Variants in ZNF385B observed in about 807,000 individuals in gnomAD.
The protein encoded by ZNF385B is zinc finger protein 533.
ZNF385B carries 23 observed loss-of-function variants against 39.2 expected under a neutral mutation model. The observed-to-expected ratio is 0.59, with a 90% CI of 0.42 to 0.83. The LOEUF (loss-of-function observed/expected upper bound fraction) is 0.83. Among genes scored for constraint, ZNF385B ranks in the 40% least tolerant of loss-of-function variants. The pLI, the probability that ZNF385B is intolerant of heterozygous loss-of-function variation, is 0.00. For missense variants in ZNF385B, 552 were observed against 598.9 expected (o/e 0.92, Z 0.82); for synonymous variants, 205 against 222.6 (o/e 0.92, Z 0.70).
At chr2:179,718,708 A>G (rs886867135) in intron 3 of ZNF385B, among the ~76,000 whole-genome samples, 6 of 150,722 alleles carry the variant, frequency 4.0e-5, no homozygotes, top group African/African-American at 7.3e-5. Flanking sequence ...TTTCTTTACA[A>G]ATTTCTATTT....
intron 6 of ZNF385B, among the ~76,000 whole-genome samples, chr2:179,470,964 C>T (rs1034264876): frequency 6.6e-6 from 1 of 152,120 alleles, no homozygotes; most frequent in Non-Finnish European, 1.5e-5. Context: ...AGTACTTTCT[C>T]TTGGTCTTTG....
chr2:179,649,318 GGGCAAAT>G (rs1358696548), intron 3 of ZNF385B, among the ~76,000 whole-genome samples: 1 of 152,150 alleles, frequency 6.6e-6, no homozygotes, highest in East Asian at 1.9e-4. Context: ...ATCTATATTA[GGGCAAAT>G]GCCAAAACCT....
At chr2:179,702,053 T>G (rs935133175) in intron 3 of ZNF385B, among the ~76,000 whole-genome samples, 2 of 152,086 alleles carry the variant, frequency 1.3e-5, no homozygotes, top group African/African-American at 2.4e-5. Flanking sequence ...ACTTTTCACG[T>G]TTTCATTTTT....
chr2:179,504,210 C>A (rs1226151117), intron 5 of ZNF385B, among the ~76,000 whole-genome samples: 1 of 151,946 alleles, frequency 6.6e-6, no homozygotes, highest in Non-Finnish European at 1.5e-5. Flanking sequence ...ATGAACTCAT[C>A]ATTTTTTATG....
chr2:179,574,808 AG>A (rs969537958), intron 3 of ZNF385B, among the ~76,000 whole-genome samples: 20 of 151,840 alleles, frequency 1.3e-4, no homozygotes, highest in African/African-American at 4.3e-4. Context: ...GAGGGATGTT[AG>A]GGGGGAAGGG....
intron 3 of ZNF385B, among the ~76,000 whole-genome samples, chr2:179,611,295 T>G (rs914741469): frequency 2.0e-5 from 3 of 152,224 alleles, no homozygotes; most frequent in Non-Finnish European, 2.9e-5. Context: ...TCAGTTGACA[T>G]GATCATATGG....
intron 3 of ZNF385B, among the ~76,000 whole-genome samples, chr2:179,735,683 A>C (rs1351145901): frequency 3.5e-4 from 53 of 149,432 alleles, no homozygotes; most frequent in South Asian, 6.4e-4. Context: ...ACATATACAC[A>C]ATGGAATACT....
At chr2:179,760,821 A>G (rs1453047937) in intron 3 of ZNF385B, among the ~76,000 whole-genome samples, 1 of 152,200 alleles carries the variant, frequency 6.6e-6, no homozygotes, top group African/African-American at 2.4e-5. Flanking sequence ...TGATGCAGCC[A>G]CAGGCCCAGG....
intron 5 of ZNF385B, among the ~76,000 whole-genome samples, chr2:179,493,725 A>ATATG (rs1466106146): frequency 7.1e-6 from 1 of 139,924 alleles, no homozygotes; most frequent in Non-Finnish European, 1.5e-5. Context: ...GCATATACGT[A>ATATG]TATACATATA....
chr2:179,860,077 G>A (rs942314573), intron 1 of ZNF385B, among the ~76,000 whole-genome samples: 1 of 152,126 alleles, frequency 6.6e-6, no homozygotes, highest in African/African-American at 2.4e-5. Context: ...GAAATGTTTT[G>A]TTCCTTCTAT....
intron 3 of ZNF385B, among the ~76,000 whole-genome samples, chr2:179,615,181 T>C (rs891015000): frequency 6.6e-6 from 1 of 152,214 alleles, no homozygotes; most frequent in African/African-American, 2.4e-5. Flanking sequence ...GAGGAAGGGA[T>C]GATATTAATC....
At chr2:179,726,047 A>T (rs1409650279) in intron 3 of ZNF385B, among the ~76,000 whole-genome samples, 1 of 151,914 alleles carries the variant, frequency 6.6e-6, no homozygotes, top group Non-Finnish European at 1.5e-5. Flanking sequence ...GCTTCTGCAT[A>T]TCTCCCTAAA....
intron 1 of ZNF385B, among the ~76,000 whole-genome samples, chr2:179,831,958 G>C (rs1438344747): frequency 6.6e-6 from 1 of 152,158 alleles, no homozygotes; most frequent in Non-Finnish European, 1.5e-5. Context: ...AATAGTTCAG[G>C]CATAAGGCAT....
intron 3 of ZNF385B, among the ~76,000 whole-genome samples, chr2:179,581,821 T>A (rs898075208): frequency 6.6e-6 from 1 of 152,170 alleles, no homozygotes; most frequent in African/African-American, 2.4e-5. Flanking sequence ...GTTTCCTCCT[T>A]TTTTCCTTCC....
At chr2:179,495,093 T>C (rs527772536) in intron 5 of ZNF385B, among the ~76,000 whole-genome samples, 1 of 152,234 alleles carries the variant, frequency 6.6e-6, no homozygotes, top group South Asian at 2.1e-4. Context: ...GACTCTTGGA[T>C]AGCATTTCGG....
chr2:179,648,170 G>A (rs1285971505), intron 3 of ZNF385B, among the ~76,000 whole-genome samples: 1 of 152,044 alleles, frequency 6.6e-6, no homozygotes, highest in East Asian at 1.9e-4. Context: ...GGAATAGAGA[G>A]GACTTCCACA....
At chr2:179,778,027 TC>T (rs1704444962) in intron 1 of ZNF385B, among the ~76,000 whole-genome samples, 1 of 152,088 alleles carries the variant, frequency 6.6e-6, no homozygotes, top group Non-Finnish European at 1.5e-5. Context: ...CACCTCAGCC[TC>T]CCTGTCAAGA....
At chr2:179,449,517 T>C (rs1000210867) in intron 6 of ZNF385B, among the ~76,000 whole-genome samples, 9 of 151,966 alleles carry the variant, frequency 5.9e-5, no homozygotes, top group Admixed American at 3.3e-4. Flanking sequence ...TCAAAGAGAA[T>C]AAAATACCTA....
intron 3 of ZNF385B, among the ~76,000 whole-genome samples, chr2:179,673,456 A>G (rs530538155): frequency 6.6e-6 from 1 of 152,336 alleles, no homozygotes. Flanking sequence ...TAGACCCCAT[A>G]ATGATCATTA....
Sources: allele counts gnomAD v4.1 joint callset (sites outside exome capture counted in the v4.1 genomes callset), GRCh38; gene constraint gnomAD v4.1.1; transcripts MANE v1.5; gene names NCBI Gene and HGNC (gene_info 2026-07-23, HGNC 2026-07-21).